The following USB1 variants were observed in gnomAD, a reference collection of about 807,000 sequenced individuals.
USB1 encodes the protein U6 snRNA biogenesis phosphodiesterase 1.
A neutral mutation model predicts 29.9 loss-of-function variants in USB1; 21 were observed. The observed-to-expected ratio is 0.70, with a 90% confidence interval of 0.50 to 1.01. The LOEUF (loss-of-function observed/expected upper bound fraction) is 1.01. USB1 is among the 50% of genes least tolerant of loss of function. The pLI, the probability that USB1 is intolerant of heterozygous loss-of-function variation, is 0.00. For missense variants in USB1, 330 were observed against 347.1 expected, an observed-to-expected ratio of 0.95 and a Z score of 0.39; for synonymous variants, 143 against 134.9, an observed-to-expected ratio of 1.06 and a Z score of -0.42.
At chr16:58,012,926 C>T (rs1252728899) in intron 3 of USB1, 2 of 986,450 alleles carry the variant, frequency 2.0e-6, no homozygotes, top group Non-Finnish European at 2.4e-6. Context: ...AAATACTGAT[C>T]CCTGTGGGAT....
chr16:58,010,395 GT>G (rs201324869), intron 3 of USB1, among the ~76,000 whole-genome samples: 3 of 152,134 alleles, frequency 2.0e-5, no homozygotes, highest in Admixed American at 6.5e-5. Flanking sequence ...GATGTGTTGA[GT>G]TTTTTTCCAC....
intron 3 of USB1, chr16:58,011,977 C>T: frequency 9.2e-7 from 1 of 1,091,476 alleles, no homozygotes; most frequent in Non-Finnish European, 1.1e-6. Flanking sequence ...TCTGACCCTG[C>T]CTTTATCAGC....
Position 58,020,620 on chromosome 16 carries a change from T to C in USB1, c.*375T>C, listed in dbSNP as rs1963719785. On this transcript the variant is annotated 3_prime_UTR_variant, in exon 7 of 7. Transcript: ENST00000219281. ...TCTACCCCTCCTGTCTCTCCTCCCC[T>C]CCTCTCTCTTCCTCTCCTCTCTCTC... 3.3e-6 allele frequency: 1 copy of C among 303,310 alleles called. No individual in the cohort carries two copies. The highest frequency in any genetic ancestry group is 6.2e-6 in the Non-Finnish European group (1 of 161,704). The allele number at this position is 303,310 out of a possible 1,614,324, so 18.8% of individuals were successfully genotyped here. A position where few individuals can be genotyped will look rare whatever the true frequency, so the allele number is the denominator to read the frequency against.
chr16:58,014,331 G>A lies in USB1; in HGVS notation c.503+5G>A, dbSNP rs887683506. The A allele has an allele frequency of 4.3e-6, 7 of 1,612,516 alleles. No individual in the cohort carries two copies. Among genetic ancestry groups the A allele is most frequent in the Non-Finnish European group, 5.9e-6 (7 of 1,178,662 alleles). ...CACCAATCAAGAGAAAACCAGGTGG[G>A]TCCTCCCAACCCCCAATCACCATCA... On this transcript the variant is annotated splice_donor_5th_base_variant and intron_variant, in intron 4 of 6. Transcript: ENST00000219281.
Position 58,020,218 on chromosome 16 carries a change from C to A in USB1, c.771C>A (p.Asn257Lys). 1 of 1,614,186 alleles carries A rather than the reference C, an allele frequency of 6.2e-7. No homozygotes were observed. Among genetic ancestry groups the A allele is most frequent in the Non-Finnish European group, 8.5e-7 (1 of 1,180,032 alleles). The change falls in exon 7 of 7, where the codon AAC becomes AAA. Residue 257 changes from asparagine (N) to lysine (K), a missense_variant. Coordinates refer to ENST00000219281, the MANE Select transcript of USB1 (RefSeq NM_024598.4). ...HTEQVRCKSG[N>K]KFFSMPLK is the part of the protein sequence containing the mutation. ...AGCAAGTCCGCTGCAAGTCTGGGAA[C>A]AAGTTCTTCTCGATGCCTTTGAAGT...
At chr16:58,003,403 G>T (rs934732367) in intron 2 of USB1, among the ~76,000 whole-genome samples, 4 of 152,170 alleles carry the variant, frequency 2.6e-5, no homozygotes, top group Non-Finnish European at 4.4e-5. Context: ...CTCCAGCCTG[G>T]GTGACAGAGT....
chr16:58,017,424 C>T lies in USB1; in HGVS notation c.594C>T (p.Leu198=). 1 of 1,614,162 alleles carries T rather than the reference C, an allele frequency of 6.2e-7. No homozygotes were observed. The highest frequency in any genetic ancestry group is 8.5e-7 in the Non-Finnish European group (1 of 1,179,944). ...ACAGAGTCATGGAGGAATTCAACCTCACCACTTTCTACCAGGTAATGAATG... is the reference window on the plus strand; with the variant it reads ...ACAGAGTCATGGAGGAATTCAACCTTACCACTTTCTACCAGGTAATGAATG... ...EVDRVMEEFN[L]TTFYQDPSFH... The change falls in exon 5 of 7, where the codon CTC becomes CTT. Residue 198 remains leucine, a synonymous_variant. Coordinates refer to ENST00000219281, the MANE Select transcript of USB1 (RefSeq NM_024598.4).
chr16:58,003,690 T>C (rs890924514), intron 2 of USB1, among the ~76,000 whole-genome samples: 4 of 152,240 alleles, frequency 2.6e-5, no homozygotes, highest in African/African-American at 9.6e-5. Flanking sequence ...TTAAGGTCTT[T>C]TGCCCACTTT....
intron 2 of USB1, among the ~76,000 whole-genome samples, chr16:58,005,682 A>G (rs139830057): frequency 6.6e-6 from 1 of 152,138 alleles, no homozygotes; most frequent in African/African-American, 2.4e-5. Flanking sequence ...ATATTTTATT[A>G]TACTGGAACA....
At chr16:58,018,924 C>A in intron 5 of USB1, 48 bp from the exon 6 acceptor site, 2 of 1,592,172 alleles carry the variant, frequency 1.3e-6, no homozygotes, top group Non-Finnish European at 1.7e-6. Context: ...GAGGGCAGGG[C>A]CTGCCAAGGC....
At chr16:58,001,922 C>G (rs984237387) in intron 1 of USB1, among the ~76,000 whole-genome samples, 2 of 152,330 alleles carry the variant, frequency 1.3e-5, no homozygotes, top group East Asian at 3.9e-4. Flanking sequence ...CTTGCTAAAG[C>G]GTAGGGAGAG....
intron 4 of USB1, chr16:58,015,693 A>G (rs1338759438): frequency 2.6e-5 from 4 of 152,204 alleles, no homozygotes; most frequent in African/African-American, 9.7e-5. Flanking sequence ...CCAGGAGGGT[A>G]CCAGGGAAGT....
At chr16:58,000,322 C>G (rs1597039201), upstream of USB1, 2 of 151,006 alleles carry the variant, frequency 1.3e-5, no homozygotes, top group Admixed American at 1.3e-4. The surrounding 1 kb of genome is among the most constrained non-coding windows in gnomAD (Gnocchi z 4.5). Context: ...CGCGGGGGGG[C>G]GGCCGGGCCG....
Position 58,009,915 on chromosome 16 carries a change from C to A in USB1, c.266-14C>A. On this transcript the variant is annotated splice_polypyrimidine_tract_variant and intron_variant, in intron 2 of 6. Coordinates refer to ENST00000219281, the MANE Select transcript of USB1 (RefSeq NM_024598.4). Reference sequence around the variant, plus strand: ...CTGAGAGAACGGCCCGCCCTCTTTACTCCTCCCCTCCAGATGAAGCCAAGG... The same window carrying A: ...CTGAGAGAACGGCCCGCCCTCTTTAATCCTCCCCTCCAGATGAAGCCAAGG... 6.2e-7 allele frequency: 1 copy of A among 1,614,020 alleles called. No homozygotes were observed. Among genetic ancestry groups the A allele is most frequent in the Non-Finnish European group, 8.5e-7 (1 of 1,179,976 alleles).
At position 58,009,957 on chromosome 16, in the gene USB1, G is replaced by T. The variant is rs1470735272; in HGVS notation, c.294G>T (p.Leu98=). The change falls in exon 3 of 7, where the codon CTG becomes CTT. Residue 98 remains leucine (L), a synonymous_variant. Coordinates refer to ENST00000219281, the MANE Select transcript of USB1 (RefSeq NM_024598.4). ...AAGCCAAGGAGGAGTTCCTGGATCT[G>T]CTTGATGTGTTGCTGCCCCATGCCC... ...PYEAKEEFLD[L]LDVLLPHAQT... The T allele has an allele frequency of 1.2e-6, 2 of 1,613,818 alleles. No individual in the cohort carries two copies. Among genetic ancestry groups the T allele is most frequent in the African/African-American group, 2.7e-5 (2 of 74,854 alleles).
rs1256846260 is a variant in USB1 at position 58,020,154 on chromosome 16, G to C, written c.707G>C (p.Gly236Ala). The C allele has an allele frequency of 1.7e-5, 27 of 1,614,118 alleles. No individual in the cohort carries two copies. Among genetic ancestry groups the C allele is most frequent in the Non-Finnish European group, 2.2e-5 (26 of 1,180,032 alleles). ...CLQELQAIVDGFEDAEVLLRV... is the reference protein window; with the variant it reads ...CLQELQAIVDAFEDAEVLLRV... ...TGCTGTTTTAAGGCAATCGTGGATG[G>C]GTTTGAAGATGCTGAGGTGCTGCTG... Residue 236 changes from glycine to alanine, a missense_variant, in exon 7 of 7, where the codon GGG (glycine) becomes GCG (alanine). Coordinates refer to ENST00000219281, the MANE Select transcript of USB1 (RefSeq NM_024598.4).
At chr16:58,003,381 C>T (rs1045536963) in intron 2 of USB1, among the ~76,000 whole-genome samples, 4 of 152,180 alleles carry the variant, frequency 2.6e-5, no homozygotes, top group Non-Finnish European at 1.5e-5. Context: ...GTGCCAAGAT[C>T]GCTCCACTGC....
chr16:58,006,505 A>G (rs1169850006), intron 2 of USB1, among the ~76,000 whole-genome samples: 2 of 150,832 alleles, frequency 1.3e-5, no homozygotes, highest in African/African-American at 4.9e-5. Context: ...CTAAAAATAC[A>G]AAAATTAGCT....
chr16:58,014,294 G>A lies in USB1; in HGVS notation c.471G>A (p.Gln157=). 2 of 1,613,620 alleles carry A rather than the reference G, an allele frequency of 1.2e-6. No individual in the cohort carries two copies. The highest frequency in any genetic ancestry group is 1.7e-6 in the Non-Finnish European group (2 of 1,179,752). ...SFHRFFFTAN[Q]VKIYTNQEKT... ...TCAGATTCTTCTTTACTGCCAACCA[G>A]GTAAAGATTTACACCAATCAAGAGA... The change falls in exon 4 of 7, where the codon CAG becomes CAA. Residue 157 remains glutamine (Q), a synonymous_variant. Coordinates refer to ENST00000219281, the MANE Select transcript of USB1 (RefSeq NM_024598.4).
Sources: allele counts gnomAD v4.1 joint callset (sites outside exome capture counted in the v4.1 genomes callset), GRCh38; gene constraint gnomAD v4.1.1; non-coding constraint Gnocchi (gnomAD v3.1); transcripts MANE v1.5; gene names NCBI Gene and HGNC (gene_info 2026-07-23, HGNC 2026-07-21).